TACC1: variants seen among roughly 807,000 people sequenced by gnomAD.
TACC1 encodes transforming acidic coiled-coil containing protein 1, also known as transforming acidic coiled-coil-containing protein 1.
Under a neutral mutation model 84.4 loss-of-function variants are expected in TACC1, and 48 were observed. That is an observed-to-expected ratio of 0.57 (90% CI 0.45 to 0.72). The LOEUF (loss-of-function observed/expected upper bound fraction) is 0.72. Ranked by LOEUF, TACC1 falls within the 30% of genes least tolerant of loss-of-function variation. The pLI is 0.00. For synonymous variants in TACC1, 372 were observed against 376.3 expected, an observed-to-expected ratio of 0.99 and a Z score of 0.13; for missense variants, 920 against 973.0, an observed-to-expected ratio of 0.95 and a Z score of 0.72.
chr8:38,813,745 A>G (rs1467055318), intron 2 of TACC1, among the ~76,000 whole-genome samples: 1 of 152,166 alleles, frequency 6.6e-6, no homozygotes, highest in Non-Finnish European at 1.5e-5. Context: ...ATCCTTTCAT[A>G]TCAGAAGGGT....
At chr8:38,821,064 GC>G (rs1267433936) in intron 3 of TACC1, among the ~76,000 whole-genome samples, 1 of 152,042 alleles carries the variant, frequency 6.6e-6, no homozygotes, top group African/African-American at 2.4e-5. Flanking sequence ...AATTAGCTGG[GC>G]GTGGTGGTGC....
intron 3 of TACC1, among the ~76,000 whole-genome samples, chr8:38,753,082 G>A (rs541481391): frequency 2.0e-5 from 3 of 152,250 alleles, no homozygotes; most frequent in African/African-American, 7.2e-5. Context: ...CATTAGGGAT[G>A]CTGAAGTGTT....
At chr8:38,771,986 G>T (rs1448665810) in intron 3 of TACC1, among the ~76,000 whole-genome samples, 2 of 150,986 alleles carry the variant, frequency 1.3e-5, no homozygotes, top group Non-Finnish European at 2.9e-5. Context: ...CTGCTGTTAA[G>T]GCAAAAGACT....
chr8:38,765,098 CA>C (rs60336247), intron 3 of TACC1, among the ~76,000 whole-genome samples: 72 of 141,078 alleles, frequency 5.1e-4, no homozygotes, highest in Middle Eastern at 3.6e-3. Context: ...AACTCCGTCT[CA>C]AAAAAAAAAA....
At chr8:38,773,558 G>GTATCTATCTAGC (rs1814104944) in intron 3 of TACC1, among the ~76,000 whole-genome samples, 1 of 120,918 alleles carries the variant, frequency 8.3e-6, no homozygotes, top group Non-Finnish European at 2.0e-5. Flanking sequence ...TTGTGTAAAA[G>GTATCTATCTAGC]TATCTATCTA....
intron 2 of TACC1, among the ~76,000 whole-genome samples, chr8:38,796,172 C>T (rs940078138): frequency 3.3e-5 from 5 of 152,312 alleles, no homozygotes; most frequent in Admixed American, 1.3e-4. Flanking sequence ...GACCATGATT[C>T]TGCGAGATAG....
chr8:38,823,936 T>C, intron 3 of TACC1: 1 of 1,295,040 alleles, frequency 7.7e-7, no homozygotes, highest in Non-Finnish European at 1.0e-6. Flanking sequence ...TTTACATGAT[T>C]TTTTTCTCCA....
chr8:38,767,401 A>C (rs1228343015), intron 3 of TACC1, among the ~76,000 whole-genome samples: 1 of 152,258 alleles, frequency 6.6e-6, no homozygotes, highest in Non-Finnish European at 1.5e-5. Context: ...CCACAGGTCA[A>C]GTCCTTATAA....
At chr8:38,776,983 C>T (rs1053937202) in intron 3 of TACC1, among the ~76,000 whole-genome samples, 8 of 152,072 alleles carry the variant, frequency 5.3e-5, no homozygotes, top group Admixed American at 1.3e-4. Flanking sequence ...AGGCTGGGCA[C>T]GGTGGCTCAC....
upstream of TACC1, chr8:38,787,057 G>C (rs1216898742): frequency 2.2e-6 from 2 of 911,602 alleles, no homozygotes; most frequent in Non-Finnish European, 2.6e-6. Flanking sequence ...CCGGCCCTCA[G>C]TCGGGCCGCG....
rs1029426985 is a variant in TACC1, at chr8:38,850,831, C to T, written c.*2808C>T. The T allele has an allele frequency of 6.6e-6, 1 of 150,742 alleles. No individual in the cohort carries two copies. The highest frequency in any genetic ancestry group is 3.5e-3 in the Middle Eastern group (1 of 288). The allele number at this position is 150,742 out of a possible 1,614,324, so 9.3% of individuals were successfully genotyped here. A position where few individuals can be genotyped will look rare whatever the true frequency, so the allele number is the denominator to read the frequency against. On this transcript the variant is annotated 3_prime_UTR_variant, in exon 13 of 13. Transcript: ENST00000317827. ...AGTGAAAAAGGAAAGTAGAAGGCAG[C>T]TGCTGGCCTAGATGTTGGTTTGGGA...
intron 6 of TACC1, among the ~76,000 whole-genome samples, chr8:38,831,795 TG>T (rs1009613236): frequency 2.0e-5 from 3 of 147,274 alleles, no homozygotes; most frequent in Non-Finnish European, 4.5e-5. Context: ...TGCACCTGGC[TG>T]GTTTACTCAG....
chr8:38,748,127 A>G (rs1231547342), intron 3 of TACC1, among the ~76,000 whole-genome samples: 1 of 152,204 alleles, frequency 6.6e-6, no homozygotes, highest in Non-Finnish European at 1.5e-5. Context: ...AAAAAGATAT[A>G]TCATGTAAAT....
intron 1 of TACC1, among the ~76,000 whole-genome samples, chr8:38,738,749 T>C (rs1806482107): frequency 6.6e-6 from 1 of 152,132 alleles, no homozygotes; most frequent in African/African-American, 2.4e-5. Context: ...GAATCAGCCA[T>C]TTCTTCAAGT....
At position 38,772,025 on chromosome 8, in the gene TACC1, A is replaced by AAGAG. The variant is rs35335324; in HGVS notation, c.27-16654_27-16651dup. ...ACACTCCATATATGAAAGAAAGAAA[A>AAGAG]AGAGAGAGAGAGAGAGAGAGAGAGA... On this transcript the variant is annotated intron_variant, in intron 3 of 14. Coordinates refer to the TACC1 transcript ENST00000518415. Among the ~76,000 whole-genome samples, 487 of 148,596 alleles carry AAGAG rather than the reference A, an allele frequency of 3.3e-3. 2 individuals are homozygous for AAGAG. The highest frequency in any genetic ancestry group is 0.017 in the East Asian group (87 of 5,068).
At chr8:38,771,684 C>T (rs1358037020) in intron 3 of TACC1, among the ~76,000 whole-genome samples, 8 of 152,204 alleles carry the variant, frequency 5.3e-5, no homozygotes. Flanking sequence ...CCAAGTTTCT[C>T]ATGCAGTAGA....
At chr8:38,780,654 A>C (rs999444950) in intron 3 of TACC1, among the ~76,000 whole-genome samples, 1 of 151,978 alleles carries the variant, frequency 6.6e-6, no homozygotes, top group Non-Finnish European at 1.5e-5. Context: ...AAAATCTAAA[A>C]TATGTTCACC....
At chr8:38,755,037 G>A (rs552871009) in intron 3 of TACC1, among the ~76,000 whole-genome samples, 1 of 152,118 alleles carries the variant, frequency 6.6e-6, no homozygotes, top group East Asian at 1.9e-4. Context: ...GTGCGCGCCT[G>A]TAGTCACAGC....
In TACC1 at chr8:38,831,146, A is replaced by C; in HGVS notation, c.1682A>C (p.Gln561Pro). The change falls in exon 6 of 13, where the codon CAG (glutamine) becomes CCG (proline). Residue 561 changes from glutamine to proline, a missense_variant. Coordinates refer to ENST00000317827, the MANE Select transcript of TACC1 (RefSeq NM_006283.3). ...SEAGIEKETCQKMEEDGSTVL... is the reference protein window; with the variant it reads ...SEAGIEKETCPKMEEDGSTVL... ...TTAGGCATAGAGAAGGAGACGTGCCAGAAGATGGAAGAAGACGGGTCCACT... is the reference window on the plus strand; with the variant it reads ...TTAGGCATAGAGAAGGAGACGTGCCCGAAGATGGAAGAAGACGGGTCCACT... 1 of 1,614,240 alleles carries C rather than the reference A, an allele frequency of 6.2e-7. No individual in the cohort carries two copies. The highest frequency in any genetic ancestry group is 2.2e-5 in the East Asian group (1 of 44,890).
Sources: allele counts gnomAD v4.1 joint callset (sites outside exome capture counted in the v4.1 genomes callset), GRCh38; gene constraint gnomAD v4.1.1; transcripts MANE v1.5; gene names NCBI Gene and HGNC (gene_info 2026-07-23, HGNC 2026-07-21).